ZNF599: variants seen among roughly 807,000 people sequenced by gnomAD.
ZNF599 encodes zinc finger protein 599.
ZNF599 carries 10 observed loss-of-function variants against 11.7 expected under a neutral mutation model. That is an observed-to-expected ratio of 0.86 (90% confidence interval 0.53 to 1.45). The LOEUF (loss-of-function observed/expected upper bound fraction) is 1.45, where lower values mean the gene tolerates loss of function less well. ZNF599 is among the 40% of genes most tolerant of loss of function. ZNF599 has a pLI of 0.00. For missense variants in ZNF599, 688 were observed against 713.6 expected, an observed-to-expected ratio of 0.96 and a Z score of 0.41; for synonymous variants, 232 against 253.2, an observed-to-expected ratio of 0.92 and a Z score of 0.79.
At chr19:34,787,765 G>T in the ZNF599 span, among the ~76,000 whole-genome samples, 2,259 of 152,266 alleles carry the variant, frequency 0.015, 45 homozygotes, top group South Asian at 0.083. Flanking sequence ...ACTTGAACCT[G>T]CAGTCCTCAA....
At chr19:34,784,115 T>C in the ZNF599 span, among the ~76,000 whole-genome samples, 286 of 152,314 alleles carry the variant, frequency 1.9e-3, no homozygotes, top group African/African-American at 6.5e-3. Flanking sequence ...AAGACGTTGG[T>C]AGGGCCATGC....
chr19:34,794,055 T>C, the ZNF599 span, among the ~76,000 whole-genome samples: 9 of 152,160 alleles, frequency 5.9e-5, no homozygotes, highest in Non-Finnish European at 1.2e-4. Flanking sequence ...GAGGGGAAAG[T>C]CACATCTCAT....
At chr19:34,793,343 A>C in the ZNF599 span, among the ~76,000 whole-genome samples, 1 of 152,180 alleles carries the variant, frequency 6.6e-6, no homozygotes, top group Admixed American at 6.5e-5. Context: ...TGTGAGGGCT[A>C]ATCAGTGGAG....
the ZNF599 span, among the ~76,000 whole-genome samples, chr19:34,784,900 G>A: frequency 6.7e-6 from 1 of 148,670 alleles, no homozygotes; most frequent in Non-Finnish European, 1.5e-5. Context: ...ACCATGACCA[G>A]AAAATCTCCT....
the ZNF599 span, among the ~76,000 whole-genome samples, chr19:34,803,977 C>T: frequency 1.3e-5 from 2 of 152,310 alleles, no homozygotes; most frequent in South Asian, 2.1e-4. Context: ...CACCACATGG[C>T]ATCAAGAACA....
At chr19:34,784,219 AC>A in the ZNF599 span, among the ~76,000 whole-genome samples, 4 of 151,438 alleles carry the variant, frequency 2.6e-5, no homozygotes, top group African/African-American at 9.7e-5. Context: ...TTGTGGATAC[AC>A]CCCTCCGGTC....
upstream of ZNF599, among the ~76,000 whole-genome samples, chr19:34,774,894 C>T (rs1268629731): frequency 6.6e-6 from 1 of 152,104 alleles, no homozygotes; most frequent in Non-Finnish European, 1.5e-5. Context: ...GTGACTGGAT[C>T]GTGAGGGTAG....
the ZNF599 span, chr19:34,779,464 T>G: frequency 2.2e-6 from 1 of 456,724 alleles, no homozygotes; most frequent in South Asian, 1.5e-5. Flanking sequence ...CTCTGATGTT[T>G]ACTGAGGCTG....
rs1159389148 is a variant in ZNF599, at chr19:34,760,069, T to G, written c.732A>C (p.Arg244=). The part of the protein sequence containing the change: ...KACRYMADVI[R]HMRLHTGEKP... Reference sequence around the variant, plus strand: ...TTTCCCCAGTATGAAGCCTCATATGTCGAATGACATCAGCCATATAACGAC... The same window carrying G: ...TTTCCCCAGTATGAAGCCTCATATGGCGAATGACATCAGCCATATAACGAC... The change falls in exon 4 of 4, where the codon CGA becomes CGC. Residue 244 remains arginine, a synonymous_variant. Coordinates refer to ENST00000329285, the MANE Select transcript of ZNF599 (RefSeq NM_001007248.3). 1 of 1,613,964 alleles carries G rather than the reference T, an allele frequency of 6.2e-7. No individual in the cohort carries two copies. The highest frequency in any genetic ancestry group is 1.7e-5 in the Admixed American group (1 of 60,002).
the ZNF599 span, among the ~76,000 whole-genome samples, chr19:34,791,199 C>T: frequency 3.3e-5 from 5 of 152,194 alleles, no homozygotes; most frequent in African/African-American, 7.2e-5. Flanking sequence ...CACCTCCTGG[C>T]TCTGAGAATC....
chr19:34,792,818 G>T, the ZNF599 span, among the ~76,000 whole-genome samples: 4 of 151,532 alleles, frequency 2.6e-5, no homozygotes, highest in Non-Finnish European at 4.4e-5. Context: ...AGCGGAGATC[G>T]CACCACTGCA....
chr19:34,779,268 T>C, the ZNF599 span: 2 of 147,838 alleles, frequency 1.4e-5, no homozygotes, highest in Non-Finnish European at 2.9e-5. Context: ...TTTTTTTTTT[T>C]TTTCATTTTT....
the ZNF599 span, among the ~76,000 whole-genome samples, chr19:34,801,044 C>A: frequency 6.6e-6 from 1 of 152,174 alleles, no homozygotes; most frequent in African/African-American, 2.4e-5. Context: ...TTTATCAGTC[C>A]TTCCACCTCT....
the ZNF599 span, among the ~76,000 whole-genome samples, chr19:34,783,962 C>T: frequency 1.9e-3 from 285 of 152,342 alleles, no homozygotes; most frequent in African/African-American, 6.5e-3. Context: ...CTGTACATGG[C>T]ATGCAAAGAG....
chr19:34,769,525 T>A lies in ZNF599; in HGVS notation c.49A>T (p.Thr17Ser). 1.2e-6 allele frequency: 2 copies of A among 1,614,100 alleles called. No individual in the cohort carries two copies. The highest frequency in any genetic ancestry group is 1.7e-6 in the Non-Finnish European group (2 of 1,179,984). ...TGCCCCCATTCCTCTCCAGTGAAGG[T>A]CACAACCACGTCTTCAAATGATACT... The part of the protein sequence containing the change: ...ALVSFEDVVV[T>S]FTGEEWGHLD... The change falls in exon 2 of 4, where the codon ACC becomes TCC. Residue 17 changes from threonine to serine, a missense_variant. Transcript: ENST00000329285.
intron 3 of ZNF599, chr19:34,764,772 C>G (rs768763117): frequency 5.3e-5 from 8 of 152,162 alleles, no homozygotes; most frequent in Non-Finnish European, 7.4e-5. Context: ...CACAAGGAGC[C>G]TGTTAAGTGC....
chr19:34,759,305 C>T lies in ZNF599; in HGVS notation c.1496G>A (p.Arg499Lys), dbSNP rs779971655. Residue 499 changes from arginine (R) to lysine (K), a missense_variant, in exon 4 of 4, where the codon AGG becomes AAG. Coordinates refer to ENST00000329285, the MANE Select transcript of ZNF599 (RefSeq NM_001007248.3). ...ATAGGGCTTCTCTCCAGTGTGAATC[C>T]TCATGTGTCGAGTGAAGGAAGAGCT... ...YYSSSFTRHM[R>K]IHTGEKPYVC... 3 of 1,614,092 alleles carry T rather than the reference C, an allele frequency of 1.9e-6. No individual in the cohort carries two copies. Among genetic ancestry groups the T allele is most frequent in the Non-Finnish European group, 2.5e-6 (3 of 1,180,058 alleles).
At chr19:34,767,683 C>T (rs2069153954) in intron 2 of ZNF599, among the ~76,000 whole-genome samples, 3 of 152,178 alleles carry the variant, frequency 2.0e-5, no homozygotes, top group African/African-American at 7.2e-5. Context: ...GTTTTTAAAG[C>T]TCCCCAGGTG....
chr19:34,790,545 A>T, the ZNF599 span, among the ~76,000 whole-genome samples: 2 of 152,212 alleles, frequency 1.3e-5, no homozygotes, highest in African/African-American at 4.8e-5. Flanking sequence ...GATCTCATTT[A>T]TATGTGGAAT....
Sources: allele counts gnomAD v4.1 joint callset (sites outside exome capture counted in the v4.1 genomes callset), GRCh38; gene constraint gnomAD v4.1.1; transcripts MANE v1.5; gene names NCBI Gene and HGNC (gene_info 2026-07-23, HGNC 2026-07-21).